The following FUT4 variants were observed in gnomAD, a reference collection of about 807,000 sequenced individuals.
FUT4 encodes fucosyltransferase 4.
A neutral mutation model predicts 3.8 loss-of-function variants in FUT4; 1 was observed. That is an observed-to-expected ratio of 0.26 (90% CI 0.09 to 1.25). The LOEUF is 1.25. FUT4 is among the 50% of genes most tolerant of loss of function. The pLI, the probability that FUT4 is intolerant of heterozygous loss-of-function variation, is 0.47. For missense variants in FUT4, 880 were observed against 768.2 expected (o/e 1.15, Z -1.72); for synonymous variants, 417 against 355.3 (o/e 1.17, Z -1.95).
rs745740107 is a variant in FUT4, at chr11:94,544,838, G to A, written c.705G>A (p.Val235=). 1 of 1,605,192 alleles carries A rather than the reference G, an allele frequency of 6.2e-7. No individual in the cohort carries two copies. Among genetic ancestry groups the A allele is most frequent in the Admixed American group, 1.7e-5 (1 of 59,976 alleles). ...CGTCCTACGGAGAGGCTCAGGCCGT[G>A]CTTTTCCACCACCGCGACCTCGTGA... ...DRASYGEAQA[V]LFHHRDLVKG... The change falls in exon 1 of 1, where the codon GTG becomes GTA. Residue 235 remains valine, a synonymous_variant. Coordinates refer to ENST00000358752, the MANE Select transcript of FUT4 (RefSeq NM_002033.4).
chr11:94,544,327 G>C lies in FUT4; in HGVS notation c.194G>C (p.Arg65Pro), dbSNP rs1426360886. The C allele has an allele frequency of 6.4e-7, 1 of 1,552,672 alleles. No homozygotes were observed. The highest frequency in any genetic ancestry group is 1.8e-5 in the Admixed American group (1 of 55,808). ...CTTGCCCTGGCGGCTCGCCCCGCCC[G>C]GCACTTGGGAGGAGCAGGGCAGGGC... is the stretch of plus-strand genomic sequence containing the variant. ...AHLALAARPA[R>P]HLGGAGQGPR... Residue 65 changes from arginine (R) to proline (P), a missense_variant, in exon 1 of 1, where the codon CGG becomes CCG. Coordinates refer to ENST00000358752, the MANE Select transcript of FUT4 (RefSeq NM_002033.4).
chr11:94,544,992 C>T lies in FUT4; in HGVS notation c.859C>T (p.Pro287Ser), dbSNP rs970664718. ...AGCCCTGGCGACCTCCAGCCCCAGG[C>T]CCCCGGGCCAGCGCTGGGTTTGGAT... ...AEALATSSPRPPGQRWVWMNF... is the reference protein window; with the variant it reads ...AEALATSSPRSPGQRWVWMNF... Residue 287 changes from proline to serine, a missense_variant, in exon 1 of 1, where the codon CCC becomes TCC. Physicochemically the swap from Pro to Ser is moderately conservative, Grantham distance 74. Coordinates refer to ENST00000358752, the MANE Select transcript of FUT4 (RefSeq NM_002033.4). 57 of 1,606,478 alleles carry T rather than the reference C, an allele frequency of 3.5e-5. No homozygotes were observed. The highest frequency in any genetic ancestry group is 3.3e-4 in the Middle Eastern group (2 of 6,074).
In FUT4 at chr11:94,549,756, T is replaced by C. The variant is rs1044638094; in HGVS notation, c.*4030T>C. On this transcript the variant is annotated 3_prime_UTR_variant, in exon 1 of 1. Transcript: ENST00000358752. ...GTATTTAGTTTGGTGAATACTTGCA[T>C]TGAATACATGTCAAGATGTCAAGTC... The C allele has an allele frequency of 1.8e-5, 3 of 166,992 alleles. No homozygotes were observed. Among genetic ancestry groups the C allele is most frequent in the African/African-American group, 2.4e-5 (1 of 41,468 alleles). The allele number at this position is 166,992 out of a possible 1,614,324, so 10.3% of individuals were successfully genotyped here. A position where few individuals can be genotyped will look rare whatever the true frequency, so the allele number is the denominator to read the frequency against.
Position 94,544,258 on chromosome 11 carries a change from G to C in FUT4, c.125G>C (p.Arg42Thr), listed in dbSNP as rs539435556. ...SGRLGPGRSGRKGRAVPGWAS... is the reference protein window; with the variant it reads ...SGRLGPGRSGTKGRAVPGWAS... Reference sequence around the variant, plus strand: ...CGGCTGGGCCCCGGGCGCAGTGGAAGAAAGGGACGGGCGGTGCCCGGTTGG... The same window carrying C: ...CGGCTGGGCCCCGGGCGCAGTGGAACAAAGGGACGGGCGGTGCCCGGTTGG... The change falls in exon 1 of 1, where the codon AGA becomes ACA. Residue 42 changes from arginine (R) to threonine (T), a missense_variant. Arg to Thr is a moderately conservative substitution (Grantham distance 71). Around this residue, in one of 3 missense-constraint regions of FUT4, gnomAD observed 447 missense variants for 339.5 expected, o/e 1.32. Transcript: ENST00000358752. 1 of 1,528,416 alleles carries C rather than the reference G, an allele frequency of 6.5e-7. No homozygotes were observed. The highest frequency in any genetic ancestry group is 8.7e-7 in the Non-Finnish European group (1 of 1,144,004). The allele number at this position is 1,528,416 out of a possible 1,614,324, so 94.7% of individuals were successfully genotyped here. A position where few individuals can be genotyped will look rare whatever the true frequency, so the allele number is the denominator to read the frequency against.
rs985355315 is a variant in FUT4 at position 94,546,076 on chromosome 11, G to A, written c.*350G>A. 4 of 401,184 alleles carry A rather than the reference G, an allele frequency of 1.0e-5. No individual in the cohort carries two copies. The highest frequency in any genetic ancestry group is 8.3e-5 in the African/African-American group (4 of 48,010). The allele number at this position is 401,184 out of a possible 1,614,324, so 24.9% of individuals were successfully genotyped here. ...TTCCTGAATTTCCCCATCTGCCACA[G>A]GCCATATTTGTGGCCCGTGCAGCTT... On this transcript the variant is annotated 3_prime_UTR_variant, in exon 1 of 1. Coordinates refer to ENST00000358752, the MANE Select transcript of FUT4 (RefSeq NM_002033.4).
In FUT4 at chr11:94,544,710, C is replaced by A; in HGVS notation, c.577C>A (p.Leu193Met). 1 of 1,534,976 alleles carries A rather than the reference C, an allele frequency of 6.5e-7. No homozygotes were observed. The highest frequency in any genetic ancestry group is 8.7e-7 in the Non-Finnish European group (1 of 1,151,072). ...CCCGTCGCGACCGGTGGGCGTGCTG[C>A]TGTGGTGGGAGCCCTTCGGGGGGCG... ...PTPSRPVGVL[L>M]WWEPFGGRDS... The change falls in exon 1 of 1, where the codon CTG becomes ATG. Residue 193 changes from leucine (L) to methionine (M), a missense_variant. Physicochemically the swap from Leu to Met is conservative, Grantham distance 15 (BLOSUM62 2). This residue lies in a region of FUT4 where 447 missense variants were observed against 339.5 expected (regional missense o/e 1.32). Coordinates refer to ENST00000358752, the MANE Select transcript of FUT4 (RefSeq NM_002033.4).
chr11:94,544,372 G>A lies in FUT4; in HGVS notation c.239G>A (p.Gly80Glu), dbSNP rs1026657381. ...AGQGPRPLHSGTAPFHSRASG... is the reference protein window; with the variant it reads ...AGQGPRPLHSETAPFHSRASG... ...CAGGGCCCGCGGCCTTTGCATTCTG[G>A]GACCGCCCCCTTCCATTCCCGGGCC... Residue 80 changes from glycine to glutamate, a missense_variant, in exon 1 of 1, where the codon GGG becomes GAG. Transcript: ENST00000358752. 2.2e-5 allele frequency: 34 copies of A among 1,544,438 alleles called. No individual in the cohort carries two copies. The Admixed American group carries it at 5.5e-4, about 25-fold the overall frequency.
At position 94,548,123 on chromosome 11, in the gene FUT4, G is replaced by T. The variant is rs1286055218; in HGVS notation, c.*2397G>T. On this transcript the variant is annotated 3_prime_UTR_variant, in exon 1 of 1. Transcript: ENST00000358752. ...GGCTTTCTTTGAAAATATTTTTTTGGTTCGTTTTGGTAAAGCTCTATAAAT... is the reference window on the plus strand; with the variant it reads ...GGCTTTCTTTGAAAATATTTTTTTGTTTCGTTTTGGTAAAGCTCTATAAAT... 6.0e-6 allele frequency: 1 copy of T among 165,584 alleles called. No individual in the cohort carries two copies. Among genetic ancestry groups the T allele is most frequent in the African/African-American group, 2.5e-5 (1 of 40,382 alleles). The allele number at this position is 165,584 out of a possible 1,614,324, so 10.3% of individuals were successfully genotyped here.
In FUT4 at chr11:94,545,421, G is replaced by C. The variant is rs1947849188; in HGVS notation, c.1288G>C (p.Ala430Pro). ...TATCACCGAGAAGCTCTGGCGCAAC[G>C]CGTTGCTCGCTGGGGCGGTGCCGGT... ...DYITEKLWRN[A>P]LLAGAVPVVL... is the part of the protein sequence containing the mutation. Residue 430 changes from alanine (A) to proline (P), a missense_variant, in exon 1 of 1, where the codon GCG (alanine) becomes CCG (proline). Transcript: ENST00000358752. The C allele has an allele frequency of 9.3e-6, 15 of 1,613,212 alleles. No homozygotes were observed. Among genetic ancestry groups the C allele is most frequent in the Non-Finnish European group, 1.3e-5 (15 of 1,179,800 alleles).
chr11:94,544,187 G>A lies in FUT4; in HGVS notation c.54G>A (p.Lys18=), dbSNP rs776162743. The A allele has an allele frequency of 1.4e-6, 2 of 1,407,196 alleles. No homozygotes were observed. Among genetic ancestry groups the A allele is most frequent in the Non-Finnish European group, 1.8e-6 (2 of 1,084,196 alleles). The allele number at this position is 1,407,196 out of a possible 1,614,324, so 87.2% of individuals were successfully genotyped here. The change falls in exon 1 of 1, where the codon AAG becomes AAA. Residue 18 remains lysine (K), a synonymous_variant. Coordinates refer to ENST00000358752, the MANE Select transcript of FUT4 (RefSeq NM_002033.4). Reference sequence around the variant, plus strand: ...AGCCCTCGGGCGCGGGCTGGGAGAAGGAGTGGGCGGAGGCGCCGCAGGAGG... The same window carrying A: ...AGCCCTCGGGCGCGGGCTGGGAGAAAGAGTGGGCGGAGGCGCCGCAGGAGG... ...ARKPSGAGWE[K]EWAEAPQEAP...
Position 94,545,460 on chromosome 11 carries a change from G to A in FUT4, c.1327G>A (p.Asp443Asn). The change falls in exon 1 of 1, where the codon GAC becomes AAC. Residue 443 changes from aspartate (D) to asparagine (N), a missense_variant. Transcript: ENST00000358752. The stretch of plus-strand genomic sequence containing the variant: ...GGCGGTGCCGGTGGTGCTGGGCCCA[G>A]ACCGTGCCAACTACGAGCGCTTTGT... Reference protein sequence around the residue: ...AGAVPVVLGPDRANYERFVPR... With the variant: ...AGAVPVVLGPNRANYERFVPR... 2 of 1,613,424 alleles carry A rather than the reference G, an allele frequency of 1.2e-6. No homozygotes were observed. The highest frequency in any genetic ancestry group is 1.7e-6 in the Non-Finnish European group (2 of 1,179,886).
rs1947825588 is a variant in FUT4 at position 94,544,071 on chromosome 11, G to A, written c.-63G>A. Reference sequence around the variant, plus strand: ...AGGGTTCGGGCCACAGTGAGCGAGGGCCAGGGCGGTGGGCGCGCGCAGAGG... The same window carrying A: ...AGGGTTCGGGCCACAGTGAGCGAGGACCAGGGCGGTGGGCGCGCGCAGAGG... On this transcript the variant is annotated 5_prime_UTR_variant, in exon 1 of 1. Coordinates refer to ENST00000358752, the MANE Select transcript of FUT4 (RefSeq NM_002033.4). The A allele has an allele frequency of 1.5e-6, 2 of 1,360,930 alleles. No individual in the cohort carries two copies. The highest frequency in any genetic ancestry group is 1.5e-5 in the African/African-American group (1 of 64,892). The allele number at this position is 1,360,930 out of a possible 1,614,324, so 84.3% of individuals were successfully genotyped here.
In FUT4 at chr11:94,546,659, G is replaced by A. The variant is rs1947864760; in HGVS notation, c.*933G>A. The A allele has an allele frequency of 6.0e-6, 1 of 166,370 alleles. No individual in the cohort carries two copies. The highest frequency in any genetic ancestry group is 6.5e-5 in the Admixed American group (1 of 15,282). The allele number at this position is 166,370 out of a possible 1,614,324, so 10.3% of individuals were successfully genotyped here. A position where few individuals can be genotyped will look rare whatever the true frequency, so the allele number is the denominator to read the frequency against. On this transcript the variant is annotated 3_prime_UTR_variant, in exon 1 of 1. Transcript: ENST00000358752. ...GAAAACCAGTCTGTGTTTACAGACA[G>A]AAGAGAAGGAAGCCATAGTGTCACT...
chr11:94,544,526 C>T lies in FUT4; in HGVS notation c.393C>T (p.Gly131=), dbSNP rs1352593293. 3 of 1,298,888 alleles carry T rather than the reference C, an allele frequency of 2.3e-6. No individual in the cohort carries two copies. In the South Asian group the frequency reaches 8.1e-5, roughly 35 times the overall value. 80.5% of individuals were successfully genotyped at this position (1,298,888 alleles called of 1,614,324 possible). Residue 131 remains glycine (G), a synonymous_variant, in exon 1 of 1, where the codon GGC becomes GGT. Transcript: ENST00000358752. Reference sequence around the variant, plus strand: ...TTCGCGCCATGGGGGCACCGTGGGGCTCGCCGACGGCGGCGGCGGGCGGGC... The same window carrying T: ...TTCGCGCCATGGGGGCACCGTGGGGTTCGCCGACGGCGGCGGCGGGCGGGC... ...LPVRAMGAPW[G]SPTAAAGGRR...
At position 94,544,505 on chromosome 11, in the gene FUT4, C is replaced by G; in HGVS notation, c.372C>G (p.Arg124=). The G allele has an allele frequency of 7.1e-7, 1 of 1,413,838 alleles. No homozygotes were observed. The highest frequency in any genetic ancestry group is 9.2e-7 in the Non-Finnish European group (1 of 1,088,420). The allele number at this position is 1,413,838 out of a possible 1,614,324, so 87.6% of individuals were successfully genotyped here. Reference sequence around the variant, plus strand: ...GAGCGGAGGCAGCGCTGCCTGTTCGCGCCATGGGGGCACCGTGGGGCTCGC... The same window carrying G: ...GAGCGGAGGCAGCGCTGCCTGTTCGGGCCATGGGGGCACCGTGGGGCTCGC... The part of the protein sequence containing the change: ...AWRAEAALPV[R]AMGAPWGSPT... Residue 124 remains arginine, a synonymous_variant, in exon 1 of 1, where the codon CGC becomes CGG. Transcript: ENST00000358752.
chr11:94,544,439 T>C lies in FUT4; in HGVS notation c.306T>C (p.His102=), dbSNP rs892525223. The C allele has an allele frequency of 2.6e-6, 4 of 1,516,308 alleles. No individual in the cohort carries two copies. Among genetic ancestry groups the C allele is most frequent in the South Asian group, 2.4e-5 (2 of 82,754 alleles). 93.9% of individuals were successfully genotyped at this position (1,516,308 alleles called of 1,614,324 possible). ...GACGGCTGGAGCCGCAGCTACAGCA[T>C]GAGAGCCGGTGCCGCTCCTCCACGC... is the stretch of plus-strand genomic sequence containing the variant. ...RQRRLEPQLQ[H]ESRCRSSTPA... Residue 102 remains histidine, a synonymous_variant, in exon 1 of 1, where the codon CAT becomes CAC. Transcript: ENST00000358752.
chr11:94,544,387 A>C lies in FUT4; in HGVS notation c.254A>C (p.His85Pro), dbSNP rs908262496. The change falls in exon 1 of 1, where the codon CAT (histidine) becomes CCT (proline). Residue 85 changes from histidine to proline, a missense_variant. Physicochemically the swap from His to Pro is moderately conservative, Grantham distance 77 (BLOSUM62 -2). Coordinates refer to ENST00000358752, the MANE Select transcript of FUT4 (RefSeq NM_002033.4). ...TTGCATTCTGGGACCGCCCCCTTCCATTCCCGGGCCAGCGGCGAGCGGCAG... is the reference window on the plus strand; with the variant it reads ...TTGCATTCTGGGACCGCCCCCTTCCCTTCCCGGGCCAGCGGCGAGCGGCAG... ...RPLHSGTAPF[H>P]SRASGERQRR... 1 of 1,540,396 alleles carries C rather than the reference A, an allele frequency of 6.5e-7. No individual in the cohort carries two copies. Among genetic ancestry groups the C allele is most frequent in the Non-Finnish European group, 8.7e-7 (1 of 1,151,518 alleles).
chr11:94,549,809 A>G lies in FUT4; in HGVS notation c.*4083A>G, dbSNP rs905891959. 13 of 166,968 alleles carry G rather than the reference A, an allele frequency of 7.8e-5. No homozygotes were observed. Among genetic ancestry groups the G allele is most frequent in the Admixed American group, 6.5e-4 (10 of 15,284 alleles). 10.3% of individuals were successfully genotyped at this position (166,968 alleles called of 1,614,324 possible). On this transcript the variant is annotated 3_prime_UTR_variant, in exon 1 of 1. Coordinates refer to ENST00000358752, the MANE Select transcript of FUT4 (RefSeq NM_002033.4). ...TTTTGAATGTGTCTCAGGGATTTCT[A>G]TGCTACACATTCTTTTAACAAATCA...
At position 94,545,279 on chromosome 11, in the gene FUT4, C is replaced by T. The variant is rs758199161; in HGVS notation, c.1146C>T (p.Thr382=). 3.1e-6 allele frequency: 5 copies of T among 1,612,130 alleles called. No homozygotes were observed. Among genetic ancestry groups the T allele is most frequent in the Non-Finnish European group, 4.2e-6 (5 of 1,179,932 alleles). ...ACCACCAACTGAGCCAACATGTGAC[C>T]GTGGACGTGTTCGGCCGGGGCGGGC... The part of the protein sequence containing the change: ...RYYHQLSQHV[T]VDVFGRGGPG... The change falls in exon 1 of 1, where the codon ACC becomes ACT. Residue 382 remains threonine (T), a synonymous_variant. Transcript: ENST00000358752.
Sources: gnomAD v4.1 joint callset for allele counts on GRCh38, gnomAD v4.1.1 for gene constraint, gnomAD v4.1.1 regional missense constraint, MANE v1.5 for transcripts, NCBI Gene and HGNC (gene_info 2026-07-23, HGNC 2026-07-21) for gene names.